Variants in CYP39A1 observed in about 807,000 individuals in gnomAD.
CYP39A1 encodes 24-hydroxycholesterol 7-alpha-hydroxylase.
A neutral mutation model predicts 58.1 loss-of-function variants in CYP39A1; 49 were observed. The observed-to-expected ratio is 0.84, with a 90% CI of 0.67 to 1.07. The LOEUF is 1.07. Ranked by LOEUF, CYP39A1 falls within the 50% of genes least tolerant of loss-of-function variation. CYP39A1 has a pLI of 0.00. For synonymous variants in CYP39A1, 209 were observed against 187.6 expected (o/e 1.11, Z -0.93); for missense variants, 531 against 539.4 (o/e 0.98, Z 0.16).
intron 10 of CYP39A1, among the ~76,000 whole-genome samples, chr6:46,578,728 G>A (rs1280237174): frequency 2.6e-5 from 4 of 151,856 alleles, no homozygotes; most frequent in East Asian, 3.8e-4. Context: ...TGCAGCTTTC[G>A]AAGATTTTAC....
At chr6:46,554,823 C>G (rs1280360181) in intron 10 of CYP39A1, among the ~76,000 whole-genome samples, 1 of 152,012 alleles carries the variant, frequency 6.6e-6, no homozygotes, top group Non-Finnish European at 1.5e-5. Flanking sequence ...TTTTATGGTT[C>G]TCCTAAATAG....
intron 10 of CYP39A1, among the ~76,000 whole-genome samples, chr6:46,577,173 C>T (rs1771887554): frequency 6.6e-6 from 1 of 152,118 alleles, no homozygotes; most frequent in Non-Finnish European, 1.5e-5. Context: ...TCATAGCCAA[C>T]AAAACTAAGA....
At position 46,588,054 on chromosome 6, in the gene CYP39A1, C is replaced by A. The variant is rs772043783; in HGVS notation, c.1141G>T (p.Glu381Ter). 5.1e-6 allele frequency: 8 copies of A among 1,581,392 alleles called. No individual in the cohort carries two copies. In the African/African-American group the frequency reaches 1.1e-4, roughly 21 times the overall value. The part of the protein sequence containing the change: ...WLHRNPKYFP[E>*]PELFKPERWK... ...CTTACAGGTTTGAACAATTCAGGCT[C>A]AGGAAAATACTTTGGATTTCTATGC... is the stretch of plus-strand genomic sequence containing the variant. The change falls in exon 9 of 12, where the codon GAG (glutamate) becomes TAG (stop). Residue 381 changes from glutamate to a stop codon, truncating the protein, a stop_gained. Coordinates refer to ENST00000275016, the MANE Select transcript of CYP39A1 (RefSeq NM_016593.5). LOFTEE classifies it high-confidence loss of function.
intron 7 of CYP39A1, among the ~76,000 whole-genome samples, chr6:46,609,015 A>C (rs1774031320): frequency 6.6e-6 from 1 of 152,228 alleles, no homozygotes; most frequent in Non-Finnish European, 1.5e-5. Context: ...ACTTGTCTCT[A>C]AATGGAGAAA....
chr6:46,652,749 G>A lies in CYP39A1; in HGVS notation c.-167C>T. The A allele has an allele frequency of 1.7e-6, 1 of 597,350 alleles. No homozygotes were observed. The highest frequency in any genetic ancestry group is 2.8e-6 in the Non-Finnish European group (1 of 361,312). 37.0% of individuals were successfully genotyped at this position (597,350 alleles called of 1,614,324 possible). On this transcript the variant is annotated 5_prime_UTR_variant, in exon 1 of 12. Transcript: ENST00000275016. The stretch of plus-strand genomic sequence containing the variant: ...TTCCTTCCTCTGTCCCAGTTTTCAG[G>A]TGATTTTTCCATTGTCGCTCCCTCC...
At chr6:46,582,910 G>T (rs748358646) in intron 10 of CYP39A1, 1 of 260,836 alleles carries the variant, frequency 3.8e-6, no homozygotes, top group Non-Finnish European at 6.0e-6. Context: ...TCAAATAAAA[G>T]AATAATTGTA....
At chr6:46,607,205 A>G (rs535244275) in intron 7 of CYP39A1, among the ~76,000 whole-genome samples, 6 of 152,258 alleles carry the variant, frequency 3.9e-5, no homozygotes, top group Admixed American at 2.0e-4. Context: ...CACACACAAA[A>G]AATACCTGGA....
chr6:46,625,888 A>G (rs1775283074), intron 6 of CYP39A1, among the ~76,000 whole-genome samples: 1 of 152,110 alleles, frequency 6.6e-6, no homozygotes. Flanking sequence ...AATCCAAAAC[A>G]AAAACATTTC....
intron 6 of CYP39A1, among the ~76,000 whole-genome samples, chr6:46,627,130 G>A (rs1775359733): frequency 6.6e-6 from 1 of 152,088 alleles, no homozygotes; most frequent in South Asian, 2.1e-4. Context: ...CAGATATTAT[G>A]AGAACTCACT....
chr6:46,633,643 G>A (rs1775787618), intron 5 of CYP39A1, among the ~76,000 whole-genome samples: 2 of 152,112 alleles, frequency 1.3e-5, no homozygotes. Flanking sequence ...TGGGTCACGA[G>A]GTCAGAAGTT....
At chr6:46,572,071 G>A (rs1028809870) in intron 10 of CYP39A1, among the ~76,000 whole-genome samples, 1 of 151,828 alleles carries the variant, frequency 6.6e-6, no homozygotes, top group Non-Finnish European at 1.5e-5. Flanking sequence ...ACCCCCACAT[G>A]CATTATATGT....
At chr6:46,617,478 T>C (rs1218876857) in intron 7 of CYP39A1, among the ~76,000 whole-genome samples, 1 of 152,044 alleles carries the variant, frequency 6.6e-6, no homozygotes, top group Non-Finnish European at 1.5e-5. Context: ...CCAGGAACAT[T>C]TTCTGAGTAT....
At chr6:46,648,899 A>C (rs1762499006) in intron 1 of CYP39A1, among the ~76,000 whole-genome samples, 1 of 152,230 alleles carries the variant, frequency 6.6e-6, no homozygotes. Flanking sequence ...TACATGTTTA[A>C]AATAACTCTC....
intron 10 of CYP39A1, among the ~76,000 whole-genome samples, chr6:46,558,859 G>A (rs1770807497): frequency 6.6e-6 from 1 of 152,066 alleles, no homozygotes; most frequent in South Asian, 2.1e-4. Flanking sequence ...AGCTGGGCGT[G>A]GTGGCACGCA....
At chr6:46,573,218 T>G (rs1771684171) in intron 10 of CYP39A1, among the ~76,000 whole-genome samples, 1 of 152,094 alleles carries the variant, frequency 6.6e-6, no homozygotes, top group South Asian at 2.1e-4. Context: ...TTTTCCTTTG[T>G]GTATGTGTTT....
chr6:46,648,061 G>T (rs1465345467), intron 1 of CYP39A1, among the ~76,000 whole-genome samples: 2 of 152,166 alleles, frequency 1.3e-5, no homozygotes, highest in Non-Finnish European at 1.5e-5. Context: ...TACACTGTTG[G>T]TGGGACTGTA....
chr6:46,585,707 A>G (rs916516937), intron 10 of CYP39A1, among the ~76,000 whole-genome samples: 1 of 152,124 alleles, frequency 6.6e-6, no homozygotes, highest in African/African-American at 2.4e-5. Context: ...TTAAAAAGTA[A>G]GGACACTTAT....
chr6:46,580,367 A>C (rs1399270447), intron 10 of CYP39A1, among the ~76,000 whole-genome samples: 1 of 152,242 alleles, frequency 6.6e-6, no homozygotes, highest in Non-Finnish European at 1.5e-5. Flanking sequence ...AGATGAATTG[A>C]AGACTTAAAT....
intron 6 of CYP39A1, among the ~76,000 whole-genome samples, chr6:46,629,452 A>G (rs1319591283): frequency 6.6e-6 from 1 of 152,238 alleles, no homozygotes; most frequent in East Asian, 1.9e-4. Context: ...AGAGAAGAAT[A>G]TTATAGGTAC....
Sources: allele counts gnomAD v4.1 joint callset (sites outside exome capture counted in the v4.1 genomes callset), GRCh38; gene constraint gnomAD v4.1.1; transcripts MANE v1.5; gene names NCBI Gene and HGNC (gene_info 2026-07-23, HGNC 2026-07-21).